The following LETMD1 variants were observed in gnomAD, a reference collection of about 807,000 sequenced individuals.
LETMD1 encodes the protein LETM1 domain-containing protein 1.
In LETMD1, 30 loss-of-function variants were observed where a neutral mutation model predicts 43.9. That is an observed-to-expected ratio of 0.68 (90% CI 0.51 to 0.93). The LOEUF (loss-of-function observed/expected upper bound fraction) is 0.93, where lower values mean the gene tolerates loss of function less well. Among genes scored for constraint, LETMD1 ranks in the 40% least tolerant of loss-of-function variants. The pLI is 0.00. For missense variants in LETMD1, 413 were observed against 447.7 expected (o/e 0.92, Z 0.70); for synonymous variants, 176 against 163.1 (o/e 1.08, Z -0.60).
upstream of LETMD1, chr12:51,048,304 G>A (rs748104383): frequency 6.2e-7 from 1 of 1,613,142 alleles, no homozygotes; most frequent in Non-Finnish European, 8.5e-7. Context: ...GCGACGTACG[G>A]TTAACTTTGA....
the LETMD1 span, among the ~76,000 whole-genome samples, chr12:51,068,635 T>C: frequency 6.6e-6 from 1 of 152,206 alleles, no homozygotes; most frequent in African/African-American, 2.4e-5. Context: ...ATACCGTCTA[T>C]TTCCAGACAT....
At chr12:51,055,390 TG>T in intron 4 of LETMD1, among the ~76,000 whole-genome samples, 1 of 151,890 alleles carries the variant, frequency 6.6e-6, no homozygotes, top group Non-Finnish European at 1.5e-5. Flanking sequence ...AAGGGCTGAC[TG>T]TAGTGGCTCT....
In LETMD1 at chr12:51,048,471, G is replaced by GC. The variant is rs748249653; in HGVS notation, c.119dup (p.Arg41SerfsTer28). The GC allele has an allele frequency of 6.2e-7, 1 of 1,613,348 alleles. No homozygotes were observed. The highest frequency in any genetic ancestry group is 2.2e-5 in the East Asian group (1 of 44,876). ...TGGTCGCTCTGGCCTGGCTTGGGGGGCCCCTCGGTGAGGGACCTGTAGCGA... is the reference window on the plus strand; with the variant it reads ...TGGTCGCTCTGGCCTGGCTTGGGGGGCCCCCTCGGTGAGGGACCTGTAGCGA... On this transcript the variant is annotated frameshift_variant, in exon 1 of 9. Coordinates refer to ENST00000262055, the MANE Select transcript of LETMD1 (RefSeq NM_015416.5). LOFTEE classifies it high-confidence loss of function.
At chr12:51,053,690 A>G (rs1022772796) in intron 3 of LETMD1, 88 bp from the exon 4 acceptor site, 26 of 824,872 alleles carry the variant, frequency 3.2e-5, no homozygotes, top group Non-Finnish European at 5.1e-5. Context: ...CTGTAATAGA[A>G]GTTTACTGTA....
In LETMD1 at chr12:51,056,426, C is replaced by A. The variant is rs771866491; in HGVS notation, c.839C>A (p.Thr280Lys). ...TTGAGACATCGTTTGAAGACTCATA[C>A]AACTGTGATTCACCAACTGGACAAG... ...PLLRHRLKTH[T>K]TVIHQLDKAL... The change falls in exon 7 of 9, where the codon ACA becomes AAA. Residue 280 changes from threonine to lysine, a missense_variant. By Grantham distance (78) the Thr-to-Lys change is moderately conservative. Transcript: ENST00000262055. 1 of 1,614,166 alleles carries A rather than the reference C, an allele frequency of 6.2e-7. No homozygotes were observed. The highest frequency in any genetic ancestry group is 8.5e-7 in the Non-Finnish European group (1 of 1,180,014).
chr12:51,053,903 C>A, intron 4 of LETMD1, 43 bp downstream of exon 4: 1 of 1,300,866 alleles, frequency 7.7e-7, no homozygotes, highest in Non-Finnish European at 1.1e-6. Context: ...GAAGATGTAT[C>A]AATTTTTTTA....
chr12:51,050,367 C>T (rs370718740), intron 2 of LETMD1, among the ~76,000 whole-genome samples: 3 of 151,534 alleles, frequency 2.0e-5, no homozygotes, highest in Admixed American at 6.6e-5. Flanking sequence ...GGAATACAGG[C>T]GCCTGCCACC....
At chr12:51,055,109 A>C (rs1325392883) in intron 4 of LETMD1, among the ~76,000 whole-genome samples, 2 of 152,038 alleles carry the variant, frequency 1.3e-5, no homozygotes, top group Non-Finnish European at 2.9e-5. Context: ...CAAAAAAAAA[A>C]CAACAAATCA....
downstream of LETMD1, chr12:51,064,287 G>GGCT: frequency 1.9e-6 from 3 of 1,613,050 alleles, no homozygotes; most frequent in Non-Finnish European, 2.5e-6. Context: ...GACAGCCAGA[G>GGCT]GCTCCTCTAG....
At chr12:51,055,135 C>A (rs7978723) in intron 4 of LETMD1, among the ~76,000 whole-genome samples, 24,614 of 151,906 alleles carry the variant, frequency 0.16, 2,202 homozygotes, top group South Asian at 0.26. Context: ...CTTTTACATA[C>A]TGGGTCCACA....
intron 3 of LETMD1, among the ~76,000 whole-genome samples, chr12:51,053,477 G>A (rs557080905): frequency 3.9e-5 from 6 of 152,094 alleles, no homozygotes; most frequent in Admixed American, 2.0e-4. Flanking sequence ...ACCCTGTCTC[G>A]ACTAAAAATA....
rs56285797 is a variant in LETMD1 at position 51,055,665 on chromosome 12, TAAAAAAAAAAAAAA to T, written c.474-158_474-145del. ...GGGTGAGAGAGGGGACCCTGTCTCT[TAAAAAAAAAAAAAA>T]AAAAAAAAAAACTGAAAAAGAAAAA... On this transcript the variant is annotated intron_variant, in intron 4 of 8. Coordinates refer to ENST00000262055, the MANE Select transcript of LETMD1 (RefSeq NM_015416.5). The T allele has an allele frequency of 9.6e-4, 144 of 150,430 alleles. 3 individuals are homozygous for T. The highest frequency in any genetic ancestry group is 1.1e-4 in the Non-Finnish European group (9 of 84,652). The allele number at this position is 150,430 out of a possible 1,614,324, so 9.3% of individuals were successfully genotyped here.
intron 2 of LETMD1, 32 bp from the exon 3 acceptor site, chr12:51,052,060 A>C (rs760255623): frequency 6.3e-7 from 1 of 1,598,080 alleles, no homozygotes; most frequent in South Asian, 1.1e-5. Flanking sequence ...CTGGGATAAC[A>C]TCACACTCTG....
chr12:51,068,340 C>T, the LETMD1 span, among the ~76,000 whole-genome samples: 1 of 152,080 alleles, frequency 6.6e-6, no homozygotes, highest in Non-Finnish European at 1.5e-5. Flanking sequence ...TCAGTAAAGA[C>T]AGGGTTTCAC....
In LETMD1 at chr12:51,059,786, G is replaced by C. The variant is rs940261163; in HGVS notation, c.*355G>C. Reference sequence around the variant, plus strand: ...TTGCCCCAGGTGGGAATCCTTATTTGGCTTAGGACTGATCCACTTCCATGT... The same window carrying C: ...TTGCCCCAGGTGGGAATCCTTATTTCGCTTAGGACTGATCCACTTCCATGT... On this transcript the variant is annotated 3_prime_UTR_variant, in exon 9 of 9. Transcript: ENST00000262055. The C allele has an allele frequency of 2.5e-5, 6 of 239,788 alleles. No individual in the cohort carries two copies. Among genetic ancestry groups the C allele is most frequent in the Middle Eastern group, 1.5e-3 (1 of 650 alleles). The allele number at this position is 239,788 out of a possible 1,614,324, so 14.9% of individuals were successfully genotyped here. A position where few individuals can be genotyped will look rare whatever the true frequency, so the allele number is the denominator to read the frequency against.
intron 4 of LETMD1, among the ~76,000 whole-genome samples, chr12:51,055,237 A>C (rs1387662935): frequency 2.0e-5 from 3 of 152,170 alleles, no homozygotes; most frequent in Non-Finnish European, 4.4e-5. Flanking sequence ...CACATGCTTT[A>C]GTTCAAAATG....
At chr12:51,057,968 T>G (rs1444338574) in intron 7 of LETMD1, 64 bp from the exon 8 acceptor site, 1 of 1,076,320 alleles carries the variant, frequency 9.3e-7, no homozygotes. Context: ...GTTTGTGGAT[T>G]TCCATTTCCT....
At chr12:51,065,498 A>G in the LETMD1 span, among the ~76,000 whole-genome samples, 1 of 151,146 alleles carries the variant, frequency 6.6e-6, no homozygotes, top group Non-Finnish European at 1.5e-5. Flanking sequence ...CAGTTATACC[A>G]TTTTTTTTTC....
chr12:51,059,103 G>A (rs1413610074), intron 8 of LETMD1: 2 of 455,920 alleles, frequency 4.4e-6, no homozygotes, highest in Non-Finnish European at 8.1e-6. Flanking sequence ...CGCGACTGGT[G>A]TTTAGTACCA....
Sources: allele counts gnomAD v4.1 joint callset (sites outside exome capture counted in the v4.1 genomes callset), GRCh38; gene constraint gnomAD v4.1.1; transcripts MANE v1.5; gene names NCBI Gene and HGNC (gene_info 2026-07-23, HGNC 2026-07-21).